Variants in PRKG1 observed in about 807,000 individuals in gnomAD.
PRKG1 encodes the protein protein kinase cGMP-dependent 1.
In PRKG1, 35 loss-of-function variants were observed where a neutral mutation model predicts 88.1. That is an observed-to-expected ratio of 0.40 (90% confidence interval 0.30 to 0.53). PRKG1 has a LOEUF of 0.53. PRKG1 is among the 20% of genes least tolerant of loss of function. The pLI, the probability that PRKG1 is intolerant of heterozygous loss-of-function variation, is 0.59. For synonymous variants in PRKG1, 303 were observed against 292.5 expected (o/e 1.04, Z -0.37); for missense variants, 540 against 839.8 (o/e 0.64, Z 4.41).
rs752330200 is a variant in PRKG1, at chr10:51,703,916, A to T, written c.593-100669A>T. Among the ~76,000 whole-genome samples, 40 of 152,212 alleles carry T rather than the reference A, an allele frequency of 2.6e-4. 1 individual carries two copies. In the Middle Eastern group the frequency reaches 0.014, roughly 52 times the overall value. On this transcript the variant is annotated intron_variant, in intron 3 of 17. Transcript: ENST00000373980. ...CACTTTGGAAGGCGGAGGTGGGTGG[A>T]TCATTTGGTCAGGAGTTCAAGACCA...
At chr10:51,470,454 A>G (rs990490030) in intron 3 of PRKG1, among the ~76,000 whole-genome samples, 2 of 151,810 alleles carry the variant, frequency 1.3e-5, no homozygotes, top group African/African-American at 4.8e-5. Flanking sequence ...TAACCCTAAC[A>G]TCACCCACTT....
At chr10:51,030,325 AAT>A (rs1843267232) in intron 1 of PRKG1, among the ~76,000 whole-genome samples, 1 of 152,164 alleles carries the variant, frequency 6.6e-6, no homozygotes, top group Non-Finnish European at 1.5e-5. Context: ...TAAATATGTG[AAT>A]CATTGTCACG....
At chr10:51,901,447 G>A (rs924397857) in intron 4 of PRKG1, among the ~76,000 whole-genome samples, 5 of 152,266 alleles carry the variant, frequency 3.3e-5, no homozygotes, top group Admixed American at 6.5e-5. Context: ...GTACCATACC[G>A]TTTGAAAGAT....
At chr10:51,926,250 A>G (rs1447546693) in intron 5 of PRKG1, among the ~76,000 whole-genome samples, 1 of 152,226 alleles carries the variant, frequency 6.6e-6, no homozygotes, top group East Asian at 1.9e-4. Flanking sequence ...GCTAGGCCAG[A>G]TAACCTGTAA....
chr10:51,581,406 C>A (rs1258807381), intron 3 of PRKG1, among the ~76,000 whole-genome samples: 1 of 152,070 alleles, frequency 6.6e-6, no homozygotes, highest in African/African-American at 2.4e-5. Flanking sequence ...TATGCCCTAA[C>A]CCTAAAGAGG....
intron 3 of PRKG1, among the ~76,000 whole-genome samples, chr10:51,542,940 A>C (rs1375857358): frequency 6.6e-6 from 1 of 152,200 alleles, no homozygotes; most frequent in African/African-American, 2.4e-5. Context: ...ATAAATGACA[A>C]CATAGGAACG....
chr10:51,681,840 A>C (rs781398741), intron 3 of PRKG1, among the ~76,000 whole-genome samples: 2 of 152,220 alleles, frequency 1.3e-5, no homozygotes, highest in Non-Finnish European at 2.9e-5. Context: ...ATATTATAAC[A>C]TGTTGTGTAC....
At chr10:52,081,320 C>T (rs1286161636) in intron 7 of PRKG1, among the ~76,000 whole-genome samples, 1 of 152,122 alleles carries the variant, frequency 6.6e-6, no homozygotes, top group Non-Finnish European at 1.5e-5. Context: ...CCTTCTGACT[C>T]CTAATTTCAT....
intron 8 of PRKG1, among the ~76,000 whole-genome samples, chr10:52,155,628 C>T (rs1227155026): frequency 1.3e-5 from 2 of 151,434 alleles, no homozygotes; most frequent in South Asian, 2.1e-4. Context: ...AAGGAGGATA[C>T]ATGCCAAAGT....
chr10:52,047,321 T>C (rs1845885310), intron 5 of PRKG1, among the ~76,000 whole-genome samples: 2 of 152,078 alleles, frequency 1.3e-5, no homozygotes, highest in Non-Finnish European at 1.5e-5. Flanking sequence ...GGTTTTTCCA[T>C]GAGTGAGAAA....
intron 5 of PRKG1, among the ~76,000 whole-genome samples, chr10:51,924,709 A>G (rs1842533938): frequency 7.9e-6 from 1 of 126,320 alleles, no homozygotes; most frequent in African/African-American, 3.7e-5. Context: ...TCAGTTCTCG[A>G]ATATTCTTTT....
chr10:51,978,973 C>G lies in PRKG1; in HGVS notation c.762+71403C>G, dbSNP rs142767849. ...TATTTCTTTCTCTTGCCTGATTGCT[C>G]TGGCCAGGTCTTCTGATATTATGTT... On this transcript the variant is annotated intron_variant, in intron 5 of 17. Transcript: ENST00000373980. Among the ~76,000 whole-genome samples, 7 of 152,180 alleles carry G rather than the reference C, an allele frequency of 4.6e-5. No individual in the cohort carries two copies. In the East Asian group the frequency reaches 1.2e-3, roughly 25 times the overall value.
intron 2 of PRKG1, among the ~76,000 whole-genome samples, chr10:51,443,093 A>C (rs1212760569): frequency 1.3e-5 from 2 of 152,040 alleles, no homozygotes; most frequent in African/African-American, 4.8e-5. Flanking sequence ...ATGCAGCATG[A>C]GATATATTGT....
intron 5 of PRKG1, among the ~76,000 whole-genome samples, chr10:51,972,556 G>T (rs928199948): frequency 6.6e-6 from 1 of 152,078 alleles, no homozygotes; most frequent in Non-Finnish European, 1.5e-5. Flanking sequence ...CATGCACTTG[G>T]TTCTGTTAGA....
intron 4 of PRKG1, among the ~76,000 whole-genome samples, chr10:51,849,373 TATCAA>T (rs1373993141): frequency 1.2e-4 from 18 of 152,222 alleles, no homozygotes; most frequent in African/African-American, 4.3e-4. Context: ...ATTAAACGAA[TATCAA>T]GGTACTCAAT....
chr10:51,183,156 AT>A, intron 2 of PRKG1, among the ~76,000 whole-genome samples: 1 of 152,350 alleles, frequency 6.6e-6, no homozygotes, highest in Non-Finnish European at 1.5e-5. Context: ...AAGAAATAAA[AT>A]AATAGCACAA....
chr10:51,047,840 TA>T (rs1173616286), intron 1 of PRKG1, among the ~76,000 whole-genome samples: 3 of 152,190 alleles, frequency 2.0e-5, no homozygotes, highest in Non-Finnish European at 4.4e-5. Context: ...TATTTTTTTA[TA>T]AAAGTGAGGA....
intron 2 of PRKG1, among the ~76,000 whole-genome samples, chr10:51,355,670 T>C (rs1302538602): frequency 6.6e-6 from 1 of 152,028 alleles, no homozygotes; most frequent in Admixed American, 6.6e-5. Context: ...AGATTTTTTT[T>C]TCATTCATGA....
At chr10:51,435,617 G>A (rs567641048) in intron 2 of PRKG1, among the ~76,000 whole-genome samples, 1 of 151,950 alleles carries the variant, frequency 6.6e-6, no homozygotes, top group Admixed American at 6.6e-5. Flanking sequence ...CTGGTTCAAA[G>A]TACACTGGAA....
Sources: allele counts gnomAD v4.1 joint callset (sites outside exome capture counted in the v4.1 genomes callset), GRCh38; gene constraint gnomAD v4.1.1; transcripts MANE v1.5; gene names NCBI Gene and HGNC (gene_info 2026-07-23, HGNC 2026-07-21).